TBC1D1: variants seen among roughly 807,000 people sequenced by gnomAD.
TBC1D1 encodes TBC1 domain family member 1.
In TBC1D1, 89 loss-of-function variants were observed where a neutral mutation model predicts 125.6. That is an observed-to-expected ratio of 0.71 (90% CI 0.60 to 0.85). The LOEUF (loss-of-function observed/expected upper bound fraction) is 0.85. TBC1D1 is among the 40% of genes least tolerant of loss of function. The pLI, the probability that TBC1D1 is intolerant of heterozygous loss-of-function variation, is 0.00. For synonymous variants in TBC1D1, 565 were observed against 564.1 expected (o/e 1.00, Z -0.02); for missense variants, 1,377 against 1,469.2 (o/e 0.94, Z 1.03).
At chr4:38,045,567 T>A (rs745784760) in intron 9 of TBC1D1, among the ~76,000 whole-genome samples, 4 of 152,228 alleles carry the variant, frequency 2.6e-5, no homozygotes, top group Non-Finnish European at 5.9e-5. Flanking sequence ...AATTGTCTTG[T>A]CTTCCTGCCT....
At position 38,096,069 on chromosome 4, in the gene TBC1D1, A is replaced by C. The variant is rs1334607587; in HGVS notation, c.2377A>C (p.Met793Leu). The C allele has an allele frequency of 6.2e-7, 1 of 1,613,508 alleles. No homozygotes were observed. Among genetic ancestry groups the C allele is most frequent in the Admixed American group, 1.7e-5 (1 of 59,990 alleles). ...AAAAATTAAGTTTGACATGGAAAAA[A>C]TGCACTCGGCTGTTGGGCAAGGTAA... The change falls in exon 14 of 20, where the codon ATG becomes CTG. Residue 793 changes from methionine (M) to leucine (L), a missense_variant. This residue lies in a region of TBC1D1 where 543 missense variants were observed against 613.5 expected (regional missense o/e 0.89). Transcript: ENST00000261439.
At chr4:37,893,256 C>T (rs1713759394) in intron 1 of TBC1D1, among the ~76,000 whole-genome samples, 1 of 152,250 alleles carries the variant, frequency 6.6e-6, no homozygotes, top group African/African-American at 2.4e-5. Context: ...TCCCTGAAGT[C>T]CTTCCTACTC....
intron 1 of TBC1D1, among the ~76,000 whole-genome samples, chr4:37,899,986 T>G (rs1715503714): frequency 6.6e-6 from 1 of 152,026 alleles, no homozygotes; most frequent in Admixed American, 6.5e-5. Flanking sequence ...CCGGGCGCGG[T>G]GGCAGGCGCC....
chr4:37,997,810 A>G (rs1241430640), intron 2 of TBC1D1, among the ~76,000 whole-genome samples: 1 of 151,820 alleles, frequency 6.6e-6, no homozygotes, highest in Admixed American at 6.6e-5. Flanking sequence ...ATTTTTTGCC[A>G]GAATGCCAGA....
chr4:38,114,349 G>A (rs1033993890), intron 15 of TBC1D1, among the ~76,000 whole-genome samples: 1 of 152,214 alleles, frequency 6.6e-6, no homozygotes, highest in African/African-American at 2.4e-5. Flanking sequence ...CAGTGGTTAG[G>A]AGACCGTAGC....
intron 13 of TBC1D1, among the ~76,000 whole-genome samples, chr4:38,095,347 T>C (rs182513997): frequency 3.5e-4 from 54 of 152,362 alleles, no homozygotes; most frequent in Non-Finnish European, 1.6e-4. Flanking sequence ...TAGTTATAAT[T>C]CTTCATGCAG....
chr4:38,107,967 C>T (rs1270443028), intron 15 of TBC1D1, among the ~76,000 whole-genome samples: 1 of 152,176 alleles, frequency 6.6e-6, no homozygotes, highest in Non-Finnish European at 1.5e-5. Context: ...TGGGGTAGAT[C>T]ACACCAGCCA....
chr4:38,072,305 G>C (rs1319009710), intron 12 of TBC1D1, among the ~76,000 whole-genome samples: 1 of 152,214 alleles, frequency 6.6e-6, no homozygotes, highest in Non-Finnish European at 1.5e-5. Flanking sequence ...TGGAATCGCA[G>C]AGCTTCGTTT....
chr4:38,131,152 G>A (rs982406631), intron 18 of TBC1D1, among the ~76,000 whole-genome samples: 8 of 152,182 alleles, frequency 5.3e-5, no homozygotes, highest in African/African-American at 1.9e-4. Context: ...GGTTCCTAGG[G>A]ATTAATGGAG....
chr4:38,050,149 TCAAA>T (rs1289965486), intron 11 of TBC1D1, among the ~76,000 whole-genome samples: 5 of 152,300 alleles, frequency 3.3e-5, no homozygotes, highest in East Asian at 3.9e-4. Context: ...TCATTACTCC[TCAAA>T]CAAAGTAAGA....
intron 14 of TBC1D1, among the ~76,000 whole-genome samples, chr4:38,098,760 C>T (rs140186150): frequency 1.8e-3 from 280 of 152,216 alleles, no homozygotes; most frequent in African/African-American, 6.5e-3. Flanking sequence ...ATATCTTTGA[C>T]CTTTGAAGTA....
intron 2 of TBC1D1, among the ~76,000 whole-genome samples, chr4:38,001,661 A>T (rs919343277): frequency 2.8e-4 from 43 of 152,230 alleles, no homozygotes; most frequent in African/African-American, 1.0e-3. Context: ...ATTCCTTATT[A>T]TAAGGCATTC....
Position 38,014,783 on chromosome 4 carries a change from C to T in TBC1D1, c.692C>T (p.Pro231Leu). The change falls in exon 3 of 20, where the codon CCC (proline) becomes CTC (leucine). Residue 231 changes from proline to leucine, a missense_variant. Pro to Leu is a moderately conservative substitution (Grantham distance 98). Transcript: ENST00000261439. This position sits in a 1 kb window ranked among gnomAD's most constrained non-coding sequence, Gnocchi z 5.1. The stretch of plus-strand genomic sequence containing the variant: ...GGGAGCCAGGAGCCTGTGCGCAGGC[C>T]CATGCGCAAGTCCTTCTCCCAGCCC... 1 of 1,610,888 alleles carries T rather than the reference C, an allele frequency of 6.2e-7. No homozygotes were observed. Among genetic ancestry groups the T allele is most frequent in the Non-Finnish European group, 8.5e-7 (1 of 1,178,556 alleles).
intron 2 of TBC1D1, among the ~76,000 whole-genome samples, chr4:37,998,079 T>G (rs560462925): frequency 6.6e-6 from 1 of 152,348 alleles, no homozygotes; most frequent in South Asian, 2.1e-4. Context: ...CAGTTACCAC[T>G]TCTTGCCAGC....
At chr4:37,980,176 G>T (rs1235293380) in intron 2 of TBC1D1, among the ~76,000 whole-genome samples, 1 of 152,188 alleles carries the variant, frequency 6.6e-6, no homozygotes, top group East Asian at 1.9e-4. Context: ...AAGCCAAAAC[G>T]GGAGAGTTTT....
chr4:37,901,012 C>T (rs1715856089), intron 1 of TBC1D1, among the ~76,000 whole-genome samples: 1 of 149,178 alleles, frequency 6.7e-6, no homozygotes, highest in Non-Finnish European at 1.5e-5. Context: ...GTGGAGGTTG[C>T]AGTGAGCCAC....
chr4:38,016,662 G>T (rs902962521), intron 3 of TBC1D1, among the ~76,000 whole-genome samples: 1 of 152,114 alleles, frequency 6.6e-6, no homozygotes, highest in Non-Finnish European at 1.5e-5. Context: ...CACTGCTGTC[G>T]TTGGTAGTGC....
chr4:38,064,214 A>G (rs1753278736), intron 12 of TBC1D1, among the ~76,000 whole-genome samples: 1 of 152,222 alleles, frequency 6.6e-6, no homozygotes, highest in South Asian at 2.1e-4. Context: ...GAGACATCAC[A>G]TATGGTTTAT....
chr4:37,984,173 ATCT>A (rs1043046063), intron 2 of TBC1D1, among the ~76,000 whole-genome samples: 3 of 152,186 alleles, frequency 2.0e-5, no homozygotes, highest in Non-Finnish European at 4.4e-5. Context: ...ACAGAAGGAC[ATCT>A]TGGTTGCTTC....
Sources: allele counts gnomAD v4.1 joint callset (sites outside exome capture counted in the v4.1 genomes callset), GRCh38; gene constraint gnomAD v4.1.1; regional missense constraint gnomAD v4.1.1; non-coding constraint Gnocchi (gnomAD v3.1); transcripts MANE v1.5; gene names NCBI Gene and HGNC (gene_info 2026-07-23, HGNC 2026-07-21).